ZC3H12B: variants seen among roughly 807,000 people sequenced by gnomAD.
ZC3H12B encodes zinc finger CCCH-type containing 12B.
Under a neutral mutation model 43.9 loss-of-function variants are expected in ZC3H12B, and 7 were observed. The observed-to-expected ratio is 0.16, with a 90% confidence interval of 0.09 to 0.30. ZC3H12B has a LOEUF of 0.30. Ranked by LOEUF, ZC3H12B falls within the 10% of genes least tolerant of loss-of-function variation. The pLI is 1.00. For synonymous variants in ZC3H12B, 222 were observed against 241.7 expected (o/e 0.92, Z 0.76); for missense variants, 475 against 670.2 (o/e 0.71, Z 3.22).
At chrX:65,459,327 A>G (rs1602483118) in intron 3 of ZC3H12B, among the ~76,000 whole-genome samples, 3 of 112,205 alleles carry the variant, frequency 2.7e-5, no homozygotes, top group Admixed American at 1.9e-4. Context: ...AATCAATAGA[A>G]AAAGAGGGAA....
chrX:65,102,755 C>T, the ZC3H12B span, among the ~76,000 whole-genome samples: 12 of 111,318 alleles, frequency 1.1e-4, no homozygotes, highest in African/African-American at 2.3e-4. Context: ...GATAATTCAA[C>T]GTAAAAATAA....
At chrX:65,257,374 G>A in the ZC3H12B span, among the ~76,000 whole-genome samples, 3 of 111,175 alleles carry the variant, frequency 2.7e-5, no homozygotes, top group South Asian at 3.9e-4. Context: ...AACACCGCAT[G>A]TTCTCACTCA....
the ZC3H12B span, among the ~76,000 whole-genome samples, chrX:65,152,764 C>T: frequency 5.4e-5 from 6 of 111,507 alleles, no homozygotes; most frequent in African/African-American, 2.0e-4. Flanking sequence ...AAAAAGAGCC[C>T]GCATTGCCAA....
At chrX:65,195,761 A>T in the ZC3H12B span, among the ~76,000 whole-genome samples, 1 of 111,897 alleles carries the variant, frequency 8.9e-6, no homozygotes, top group East Asian at 2.8e-4. Flanking sequence ...CTACCTTACT[A>T]ACATGTTTAC....
At chrX:65,470,916 T>G (rs1037164919) in intron 3 of ZC3H12B, among the ~76,000 whole-genome samples, 1 of 112,404 alleles carries the variant, frequency 8.9e-6, no homozygotes, top group Non-Finnish European at 1.9e-5. Context: ...TTTGATTTTT[T>G]TAAATGTATT....
the ZC3H12B span, among the ~76,000 whole-genome samples, chrX:65,159,751 T>G: frequency 8.0e-5 from 9 of 111,968 alleles, no homozygotes. Context: ...GAATAACCTT[T>G]ATTTCCTTCT....
At chrX:65,133,387 C>T in the ZC3H12B span, among the ~76,000 whole-genome samples, 2 of 109,486 alleles carry the variant, frequency 1.8e-5, no homozygotes, top group Non-Finnish European at 3.8e-5. Flanking sequence ...AATAAGATGG[C>T]CTTCTGGCCC....
chrX:65,496,013 A>C (rs1414358489), intron 1 of ZC3H12B, among the ~76,000 whole-genome samples: 1 of 111,763 alleles, frequency 8.9e-6, no homozygotes, highest in Non-Finnish European at 1.9e-5. Context: ...AGCCAGAAAT[A>C]CTTGATTTTT....
exon 5 of ZC3H12B, chrX:65,503,222 CTTAT>C (rs2068392337): frequency 1.8e-6 from 2 of 1,115,463 alleles, no homozygotes; most frequent in Non-Finnish European, 2.4e-6. Flanking sequence ...TGACATAGTA[CTTAT>C]TTCTTTATAC....
the ZC3H12B span, among the ~76,000 whole-genome samples, chrX:65,078,094 A>G: frequency 4.5e-5 from 5 of 112,047 alleles, no homozygotes; most frequent in East Asian, 1.4e-3. Context: ...CAAGGATTTT[A>G]TCCTAAGCAA....
chrX:65,388,659 A>T (rs2066566186), intron 2 of ZC3H12B, among the ~76,000 whole-genome samples: 1 of 111,539 alleles, frequency 9.0e-6, no homozygotes. Context: ...GTCATTCTCC[A>T]TCCGGGTTTG....
the ZC3H12B span, among the ~76,000 whole-genome samples, chrX:65,121,403 A>G: frequency 1.8e-5 from 2 of 111,387 alleles, no homozygotes; most frequent in East Asian, 2.8e-4. Context: ...CAAGGAATTT[A>G]TCCATTTCTT....
At chrX:65,368,922 G>T (rs769857127) in exon 2 of ZC3H12B, 1 of 111,931 alleles carries the variant, frequency 8.9e-6, no homozygotes, top group Non-Finnish European at 1.9e-5. Flanking sequence ...TACAGACGTG[G>T]ACTACAGGCC....
chrX:65,369,856 C>T (rs1008002214), intron 2 of ZC3H12B, among the ~76,000 whole-genome samples: 1 of 111,898 alleles, frequency 8.9e-6, no homozygotes, highest in East Asian at 2.8e-4. Context: ...TTAATTCTGA[C>T]TGATTCTAGA....
At chrX:65,162,578 A>G in the ZC3H12B span, among the ~76,000 whole-genome samples, 4 of 111,807 alleles carry the variant, frequency 3.6e-5, no homozygotes, top group Non-Finnish European at 7.5e-5. Context: ...AGGCTTCTGC[A>G]TTCTTCACGT....
the ZC3H12B span, among the ~76,000 whole-genome samples, chrX:65,213,106 C>G: frequency 8.3e-5 from 9 of 108,341 alleles, no homozygotes; most frequent in Admixed American, 7.1e-4. Context: ...ATGTGTGAAT[C>G]CTTGTAAATT....
chrX:65,077,053 T>A, the ZC3H12B span, among the ~76,000 whole-genome samples: 2 of 112,061 alleles, frequency 1.8e-5, no homozygotes. Flanking sequence ...TTTTAGCAAG[T>A]AATGATCCTG....
intron 2 of ZC3H12B, among the ~76,000 whole-genome samples, chrX:65,384,071 T>C (rs1245447954): frequency 9.9e-6 from 1 of 101,363 alleles, no homozygotes; most frequent in Admixed American, 1.1e-4. Flanking sequence ...CATGCACACG[T>C]ATGTTTATTG....
chrX:65,471,465 T>G (rs1242395295), intron 3 of ZC3H12B, among the ~76,000 whole-genome samples: 1 of 100,640 alleles, frequency 9.9e-6, no homozygotes, highest in Non-Finnish European at 2.0e-5. Flanking sequence ...TTTTTTTTTT[T>G]TTTGAGATAG....
Sources: gnomAD v4.1 joint callset for allele counts (sites outside exome capture counted in the v4.1 genomes callset) on GRCh38, gnomAD v4.1.1 for gene constraint, MANE v1.5 for transcripts, NCBI Gene and HGNC (gene_info 2026-07-23, HGNC 2026-07-21) for gene names.